The following HDAC5 variants were observed in gnomAD, a reference collection of about 807,000 sequenced individuals.
HDAC5 encodes antigen NY-CO-9.
A neutral mutation model predicts 133.3 loss-of-function variants in HDAC5; 25 were observed. The observed-to-expected ratio is 0.19, with a 90% confidence interval of 0.14 to 0.26. HDAC5 has a LOEUF of 0.26. HDAC5 is among the 10% of genes least tolerant of loss of function. The pLI is 1.00. For missense variants in HDAC5, 1,041 were observed against 1,460.5 expected, an observed-to-expected ratio of 0.71 and a Z score of 4.68; for synonymous variants, 589 against 610.8, an observed-to-expected ratio of 0.96 and a Z score of 0.53.
In HDAC5 at chr17:44,123,572, C is replaced by T; in HGVS notation, c.-258G>A. On this transcript the variant is annotated 5_prime_UTR_variant, in exon 1 of 27. In the 5' UTR this introduces an upstream ATG that the reference lacks. Transcript: ENST00000682912. ...AGCGGCGGCGGCAGCGGCGGCAGCA[C>T]CTCCTCGACGGCTCCTCCATCTTTG... The T allele has an allele frequency of 2.5e-6, 1 of 401,172 alleles. No homozygotes were observed. 24.9% of individuals were successfully genotyped at this position (401,172 alleles called of 1,614,324 possible).
intron 3 of HDAC5, among the ~76,000 whole-genome samples, chr17:44,102,228 G>A (rs568373435): frequency 2.0e-5 from 3 of 152,358 alleles, no homozygotes; most frequent in African/African-American, 4.8e-5. Context: ...GCATGAGGAC[G>A]TATCTACCCA....
intron 7 of HDAC5, 72 bp from the exon 8 acceptor site, chr17:44,092,599 A>C (rs916293660): frequency 6.4e-6 from 10 of 1,558,174 alleles, no homozygotes; most frequent in Admixed American, 1.8e-5. Flanking sequence ...CACTGGGGTC[A>C]GGGCTGACAC....
rs1237382014 is a variant in HDAC5 at position 44,084,566 on chromosome 17, T to C, written c.2294A>G (p.Lys765Arg). Residue 765 changes from lysine to arginine, a missense_variant, in exon 16 of 27, where the codon AAG (lysine) becomes AGG (arginine). Physicochemically the swap from Lys to Arg is conservative, Grantham distance 26. Transcript: ENST00000682912. ...ATGTGCCAGCTCACCGAGCAACTTC[T>C]TGCTGTCTAGCTTCTGCCGGTTGAG... ...SPLNRQKLDS[K>R]KLLGPISQKM... 6.2e-7 allele frequency: 1 copy of C among 1,613,940 alleles called. No homozygotes were observed. The highest frequency in any genetic ancestry group is 8.5e-7 in the Non-Finnish European group (1 of 1,179,962).
chr17:44,103,434 C>T (rs540753164), intron 3 of HDAC5, among the ~76,000 whole-genome samples: 1 of 152,280 alleles, frequency 6.6e-6, no homozygotes, highest in East Asian at 1.9e-4. Context: ...AGTGAGAGGA[C>T]GCTGGGGTTC....
At chr17:44,084,954 G>A (rs1394538139) in intron 15 of HDAC5, 68 bp downstream of exon 15, 2 of 1,530,180 alleles carry the variant, frequency 1.3e-6, no homozygotes, top group East Asian at 2.3e-5. Context: ...CATGAAGAGA[G>A]GCTTATCTAA....
In HDAC5 at chr17:44,093,643, C is replaced by T. The variant is rs1448267477; in HGVS notation, c.286G>A (p.Ala96Thr). The change falls in exon 4 of 27, where the codon GCT becomes ACT. Residue 96 changes from alanine to threonine, a missense_variant. Physicochemically the swap from Ala to Thr is moderately conservative, Grantham distance 58. Around this residue, in one of 9 missense-constraint regions of HDAC5, gnomAD observed 109 missense variants for 168.0 expected, o/e 0.65. Coordinates refer to ENST00000682912, the MANE Select transcript of HDAC5 (RefSeq NM_005474.5). ...QQQLQKQLLFAEFQKQHDHLT... is the reference protein window; with the variant it reads ...QQQLQKQLLFTEFQKQHDHLT... ...TGGTCATGCTGTTTCTGGAACTCAG[C>T]GAACAGGAGCTGCTTCTGCAGCTGC... 11 of 1,612,828 alleles carry T rather than the reference C, an allele frequency of 6.8e-6. No individual in the cohort carries two copies. The highest frequency in any genetic ancestry group is 1.1e-5 in the South Asian group (1 of 91,032).
chr17:44,079,455 C>A, intron 23 of HDAC5, 178 bp from the exon 24 acceptor site: 2 of 546,696 alleles, frequency 3.7e-6, no homozygotes, highest in Non-Finnish European at 6.5e-6. Flanking sequence ...GCCTGACCAA[C>A]ATGGTGAAAC....
chr17:44,086,696 G>A lies in HDAC5; in HGVS notation c.1926C>T (p.Tyr642=), dbSNP rs1230275039. Residue 642 remains tyrosine, a synonymous_variant, in exon 14 of 27, where the codon TAC becomes TAT. Coordinates refer to ENST00000682912, the MANE Select transcript of HDAC5 (RefSeq NM_005474.5). ...DAQPLQPLQV[Y]QAPLSLATVP... is the part of the protein sequence containing the mutation. ...CAGTGGCCAGGCTGAGGGGCGCCTG[G>A]TACACCTGCAAAGGCTGCAGCGGCT... The A allele has an allele frequency of 1.5e-6, 2 of 1,300,324 alleles. No homozygotes were observed. The highest frequency in any genetic ancestry group is 2.0e-6 in the Non-Finnish European group (2 of 1,017,070). The allele number at this position is 1,300,324 out of a possible 1,614,324, so 80.5% of individuals were successfully genotyped here.
intron 15 of HDAC5, 75 bp downstream of exon 15, chr17:44,084,947 G>A (rs2050579513): frequency 1.3e-6 from 2 of 1,518,794 alleles, no homozygotes; most frequent in East Asian, 4.6e-5. Flanking sequence ...GAAGAAGCAT[G>A]AAGAGAGGCT....
chr17:44,093,801 G>A lies in HDAC5; in HGVS notation c.128C>T (p.Pro43Leu), dbSNP rs200315067. Residue 43 changes from proline (P) to leucine (L), a missense_variant, in exon 4 of 27, where the codon CCC (proline) becomes CTC (leucine). By Grantham distance (98) the Pro-to-Leu change is moderately conservative (BLOSUM62 -3). This residue lies in a region of HDAC5 where 93 missense variants were observed against 98.8 expected (regional missense o/e 0.94). Coordinates refer to ENST00000682912, the MANE Select transcript of HDAC5 (RefSeq NM_005474.5). ...TCCACCCCCACCCCCCATGGAACTG[G>A]GCATGGCTCTTGGCAGCACCGGCTT... The part of the protein sequence containing the change: ...EVKPVLPRAM[P>L]SSMGGGGGGS... 90 of 1,545,340 alleles carry A rather than the reference G, an allele frequency of 5.8e-5. No individual in the cohort carries two copies. The highest frequency in any genetic ancestry group is 7.6e-5 in the Non-Finnish European group (87 of 1,146,394).
In HDAC5 at chr17:44,080,192, T is replaced by A; in HGVS notation, c.2859A>T (p.Ser953=). Residue 953 remains serine (S), a synonymous_variant, in exon 23 of 27, where the codon TCA becomes TCT. Coordinates refer to ENST00000682912, the MANE Select transcript of HDAC5 (RefSeq NM_005474.5). ...CGGCGGAGACTAGGACCACATCAGG[T>A]GAGAACTCGTGGGCAATGGGCATCA... ...TVVMPIAHEF[S]PDVVLVSAGF... is the part of the protein sequence containing the mutation. 1.9e-6 allele frequency: 3 copies of A among 1,614,060 alleles called. 1 individual carries two copies. In the East Asian group the frequency reaches 6.7e-5, roughly 36 times the overall value.
At chr17:44,094,746 ATGTG>A (rs59209668) in intron 3 of HDAC5, among the ~76,000 whole-genome samples, 91,933 of 150,498 alleles carry the variant, frequency 0.61, 31,563 homozygotes, top group South Asian at 0.88. Context: ...GTGTGTACGT[ATGTG>A]TGTGTATATA....
intron 20 of HDAC5, 56 bp downstream of exon 20, chr17:44,082,529 T>C (rs752165844): frequency 2.2e-6 from 3 of 1,389,364 alleles, no homozygotes; most frequent in Admixed American, 3.4e-5. Context: ...TCCTGAAGGC[T>C]GACCCTGGTC....
intron 2 of HDAC5, chr17:44,111,506 C>T: frequency 4.3e-6 from 2 of 467,644 alleles, no homozygotes; most frequent in Admixed American, 4.5e-5. Context: ...GCGGCTCTGG[C>T]TGCTACTCTT....
intron 3 of HDAC5, among the ~76,000 whole-genome samples, chr17:44,095,709 A>T (rs1382488207): frequency 6.8e-6 from 1 of 146,322 alleles, no homozygotes; most frequent in East Asian, 2.0e-4. Flanking sequence ...GCCTGGGGGG[A>T]GGGGGAATAA....
chr17:44,107,193 C>A (rs964639548), intron 3 of HDAC5, among the ~76,000 whole-genome samples: 10 of 152,128 alleles, frequency 6.6e-5, no homozygotes, highest in Non-Finnish European at 1.5e-5. Flanking sequence ...CTGAAGTGAT[C>A]TTCCTCCCTC....
chr17:44,102,667 CT>C (rs33983305), intron 3 of HDAC5, among the ~76,000 whole-genome samples: 83,207 of 129,958 alleles, frequency 0.64, 27,030 homozygotes, highest in South Asian at 0.86. Flanking sequence ...CAGGTTCTCT[CT>C]TTTTTTTTTT....
intron 3 of HDAC5, among the ~76,000 whole-genome samples, chr17:44,095,092 C>G (rs1022255223): frequency 6.6e-5 from 10 of 152,246 alleles, no homozygotes; most frequent in African/African-American, 2.4e-4. Flanking sequence ...ACTGCCCAGC[C>G]TTCAACACAT....
intron 16 of HDAC5, 54 bp from the exon 17 acceptor site, chr17:44,083,908 G>A: frequency 6.9e-7 from 1 of 1,452,344 alleles, no homozygotes; most frequent in Non-Finnish European, 9.7e-7. Context: ...CGGATCACCT[G>A]AGGTCAGGAG....
Sources: allele counts gnomAD v4.1 joint callset (sites outside exome capture counted in the v4.1 genomes callset), GRCh38; gene constraint gnomAD v4.1.1; regional missense constraint gnomAD v4.1.1; transcripts MANE v1.5; gene names NCBI Gene and HGNC (gene_info 2026-07-23, HGNC 2026-07-21).